The following RALGDS variants were observed in gnomAD, a reference collection of about 807,000 sequenced individuals.
RALGDS encodes the protein ral guanine nucleotide exchange factor.
In RALGDS, 44 loss-of-function variants were observed where a neutral mutation model predicts 99.8. That is an observed-to-expected ratio of 0.44 (90% CI 0.35 to 0.57). The LOEUF is 0.57. RALGDS is among the 20% of genes least tolerant of loss of function. The pLI, the probability that RALGDS is intolerant of heterozygous loss-of-function variation, is 0.01. For synonymous variants in RALGDS, 529 were observed against 505.0 expected (o/e 1.05, Z -0.64); for missense variants, 1,022 against 1,203.1 (o/e 0.85, Z 2.23).
intron 6 of RALGDS, 45 bp from the exon 7 acceptor site, chr9:133,107,345 G>T (rs1250294128): frequency 6.6e-7 from 1 of 1,524,408 alleles, no homozygotes; most frequent in African/African-American, 1.4e-5. Flanking sequence ...CCAGCAGTCT[G>T]GGCTGGTGCT....
At chr9:133,148,415 G>A (rs1271703785) in intron 1 of RALGDS, among the ~76,000 whole-genome samples, 1 of 129,656 alleles carries the variant, frequency 7.7e-6, no homozygotes, top group Non-Finnish European at 1.6e-5. Flanking sequence ...CCCCCACCCC[G>A]TGCCATGGCC....
At chr9:133,120,896 G>A in intron 1 of RALGDS, 76 bp downstream of exon 1, 2 of 1,369,572 alleles carry the variant, frequency 1.5e-6, no homozygotes, top group African/African-American at 1.5e-5. Context: ...TCCGGGGCTC[G>A]CCCCGACCTG....
In RALGDS at chr9:133,100,359, C is replaced by G. The variant is rs151220319; in HGVS notation, c.2478G>C (p.Pro826=). The change falls in exon 17 of 18, where the codon CCG becomes CCC. Residue 826 remains proline (P), a synonymous_variant. Transcript: ENST00000372050. Reference sequence around the variant, plus strand: ...TGTCCATGGCCTTGCGGATTACAGCCGGAGCCTTATCTTGGCTGGTCACCT... The same window carrying G: ...TGTCCATGGCCTTGCGGATTACAGCGGGAGCCTTATCTTGGCTGGTCACCT... The part of the protein sequence containing the change: ...SILVTSQDKA[P]AVIRKAMDKH... The G allele has an allele frequency of 1.2e-6, 2 of 1,614,176 alleles. No individual in the cohort carries two copies. The highest frequency in any genetic ancestry group is 2.2e-5 in the East Asian group (1 of 44,880).
chr9:133,140,551 C>T (rs1271909932), intron 1 of RALGDS, among the ~76,000 whole-genome samples: 2 of 152,160 alleles, frequency 1.3e-5, no homozygotes, highest in African/African-American at 4.8e-5. Flanking sequence ...GAGGGAAGGA[C>T]TGGGGTGCCC....
chr9:133,128,220 T>G (rs1309104528), intron 1 of RALGDS, among the ~76,000 whole-genome samples: 1 of 150,438 alleles, frequency 6.6e-6, no homozygotes, highest in Non-Finnish European at 1.5e-5. Context: ...GAGGAAGACA[T>G]AGAGGGAAAC....
chr9:133,100,467 TC>T, intron 16 of RALGDS, 85 bp from the exon 17 acceptor site: 6 of 1,606,586 alleles, frequency 3.7e-6, no homozygotes, highest in Non-Finnish European at 5.1e-6. Flanking sequence ...CCCTCTGGAG[TC>T]CCCTCAGCAC....
intron 12 of RALGDS, 35 bp from the exon 13 acceptor site, chr9:133,102,935 GC>G (rs772387300): frequency 6.2e-7 from 1 of 1,610,530 alleles, no homozygotes; most frequent in Non-Finnish European, 8.5e-7. Flanking sequence ...CGGTGACAAG[GC>G]CCCCCGGGCA....
chr9:133,107,120 C>T lies in RALGDS; in HGVS notation c.1378G>A (p.Ala460Thr), dbSNP rs765521218. 6.2e-7 allele frequency: 1 copy of T among 1,613,706 alleles called. No individual in the cohort carries two copies. The highest frequency in any genetic ancestry group is 8.5e-7 in the Non-Finnish European group (1 of 1,180,048). Residue 460 changes from alanine (A) to threonine (T), a missense_variant, in exon 7 of 18, where the codon GCC becomes ACC. Physicochemically the swap from Ala to Thr is moderately conservative, Grantham distance 58 (BLOSUM62 0). This residue lies in a region of RALGDS where 825 missense variants were observed against 994.5 expected (regional missense o/e 0.83). Transcript: ENST00000372050. ...TCGATCCAGTGCTCCACCACCCTGG[C>T]CCTGTCTGGGGCTTTCGTGCTTCGG... ...GNRSTKAPDR[A>T]RVVEHWIEVA...
intron 16 of RALGDS, chr9:133,100,939 C>G (rs932059950): frequency 2.9e-6 from 3 of 1,044,100 alleles, no homozygotes; most frequent in Non-Finnish European, 2.3e-6. Flanking sequence ...GGCACCTGAC[C>G]CAGGGCTGGG....
At chr9:133,104,655 A>G (rs1453921582) in intron 9 of RALGDS, 1 of 327,702 alleles carries the variant, frequency 3.1e-6, no homozygotes, top group East Asian at 7.1e-5. Flanking sequence ...CTACTAAAAA[A>G]TACAAAAATT....
In RALGDS at chr9:133,108,224, G is replaced by A; in HGVS notation, c.961C>T (p.Pro321Ser). The A allele has an allele frequency of 6.2e-7, 1 of 1,612,100 alleles. No individual in the cohort carries two copies. Among genetic ancestry groups the A allele is most frequent in the Admixed American group, 1.7e-5 (1 of 59,710 alleles). ...GGAGCCGATTCTAGTCCCACAGCTG[G>A]CTCTGGAGCCTGCTGGAGCTCCGGA... Reference protein sequence around the residue: ...PAPELQQAPEPAVGLESAPAP... With the variant: ...PAPELQQAPESAVGLESAPAP... Residue 321 changes from proline (P) to serine (S), a missense_variant, in exon 6 of 18, where the codon CCA becomes TCA. Around this residue, in one of 3 missense-constraint regions of RALGDS, gnomAD observed 825 missense variants for 994.5 expected, o/e 0.83. Transcript: ENST00000372050.
At chr9:133,114,057 C>T (rs934884490) in intron 1 of RALGDS, among the ~76,000 whole-genome samples, 13 of 152,180 alleles carry the variant, frequency 8.5e-5, no homozygotes, top group African/African-American at 2.7e-4. Context: ...GTCTAGAGAG[C>T]GGCTCCTCCG....
chr9:133,108,295 G>C lies in RALGDS; in HGVS notation c.890C>G (p.Pro297Arg), dbSNP rs1002694704. The part of the protein sequence containing the change: ...PAPAPEPEPA[P>R]TPAPGSELEV... ...TAGCTCTGAACCTGGAGCTGGTGTT[G>C]GAGCTGGCTCTGGCTCCGGGGCTGG... is the stretch of plus-strand genomic sequence containing the variant. Residue 297 changes from proline to arginine, a missense_variant, in exon 6 of 18, where the codon CCA becomes CGA. Pro to Arg is a moderately radical substitution (Grantham distance 103). Transcript: ENST00000372050. 59 of 1,556,430 alleles carry C rather than the reference G, an allele frequency of 3.8e-5. No homozygotes were observed. The highest frequency in any genetic ancestry group is 4.9e-5 in the Non-Finnish European group (56 of 1,151,096).
chr9:133,127,565 C>T (rs1461723978), intron 1 of RALGDS, among the ~76,000 whole-genome samples: 1 of 152,268 alleles, frequency 6.6e-6, no homozygotes, highest in Non-Finnish European at 1.5e-5. Context: ...CTGCCTAGGT[C>T]CTGGGGTGGC....
intron 1 of RALGDS, among the ~76,000 whole-genome samples, chr9:133,143,771 T>TAATAATAACAAC (rs1554745676): frequency 2.5e-4 from 28 of 111,596 alleles, no homozygotes; most frequent in East Asian, 1.5e-3. Flanking sequence ...ATAATAATAA[T>TAATAATAACAAC]AACAACAACA....
intron 9 of RALGDS, 58 bp from the exon 10 acceptor site, chr9:133,104,389 T>G: frequency 6.9e-7 from 1 of 1,452,874 alleles, no homozygotes; most frequent in Non-Finnish European, 9.7e-7. Flanking sequence ...TCAGGCACCC[T>G]GACCTGGGGT....
intron 1 of RALGDS, among the ~76,000 whole-genome samples, chr9:133,143,161 A>G (rs1161018378): frequency 6.6e-6 from 1 of 152,212 alleles, no homozygotes; most frequent in Non-Finnish European, 1.5e-5. Flanking sequence ...CTAGCGTGCA[A>G]TGGTGACTGA....
intron 1 of RALGDS, among the ~76,000 whole-genome samples, chr9:133,126,282 A>T (rs1306791259): frequency 1.3e-5 from 2 of 151,528 alleles, no homozygotes; most frequent in African/African-American, 2.4e-5. Context: ...GCCCCTGGAG[A>T]GCACGGCTGC....
chr9:133,134,527 G>A (rs1832394038), upstream of RALGDS, among the ~76,000 whole-genome samples: 2 of 152,224 alleles, frequency 1.3e-5, no homozygotes, highest in Admixed American at 1.3e-4. Context: ...ATGTCACACA[G>A]CGTGTCAGTG....
Sources: allele counts gnomAD v4.1 joint callset (sites outside exome capture counted in the v4.1 genomes callset), GRCh38; gene constraint gnomAD v4.1.1; regional missense constraint gnomAD v4.1.1; transcripts MANE v1.5; gene names NCBI Gene and HGNC (gene_info 2026-07-23, HGNC 2026-07-21).